Variants in RAD51B observed in about 807,000 individuals in gnomAD.
The protein encoded by RAD51B is RAD51 paralog B.
A neutral mutation model predicts 42.2 loss-of-function variants in RAD51B; 38 were observed. The ratio of observed to expected loss-of-function variants is 0.90; its 90% CI spans 0.70 to 1.18. The LOEUF is 1.18. RAD51B is among the 50% of genes most tolerant of loss of function. RAD51B has a pLI of 0.00. For synonymous variants in RAD51B, 154 were observed against 145.2 expected (o/e 1.06, Z -0.43); for missense variants, 373 against 400.7 (o/e 0.93, Z 0.59).
rs547715811 is a variant in RAD51B at position 68,278,559 on chromosome 14, A to G, written c.757-13325A>G. ...TCAGTTTTCACCCTGATCAAATTGC[A>G]TTTGTTAAAAATTCCAAGTAAGACA... On this transcript the variant is annotated intron_variant, in intron 7 of 10. Coordinates refer to ENST00000471583, the MANE Select transcript of RAD51B (RefSeq NM_133510.4). Among the ~76,000 whole-genome samples, 4 of 152,348 alleles carry G rather than the reference A, an allele frequency of 2.6e-5. No homozygotes were observed. The South Asian group carries it at 8.3e-4, about 32-fold the overall frequency.
At chr14:68,571,422 T>G (rs1245042501) in intron 10 of RAD51B, among the ~76,000 whole-genome samples, 1 of 152,226 alleles carries the variant, frequency 6.6e-6, no homozygotes, top group Non-Finnish European at 1.5e-5. Flanking sequence ...AGTGTTGTCT[T>G]GTTTTTTCCA....
At chr14:68,054,133 G>C (rs2140425609) in intron 7 of RAD51B, among the ~76,000 whole-genome samples, 1 of 152,156 alleles carries the variant, frequency 6.6e-6, no homozygotes, top group East Asian at 1.9e-4. Flanking sequence ...AATTAACATT[G>C]ATACAATACT....
chr14:68,227,615 G>A (rs1317859178), intron 7 of RAD51B, among the ~76,000 whole-genome samples: 11 of 152,034 alleles, frequency 7.2e-5, no homozygotes, highest in Admixed American at 7.2e-4. Flanking sequence ...CTCAGCAATG[G>A]TCCCTTCAGC....
intron 10 of RAD51B, among the ~76,000 whole-genome samples, chr14:68,472,373 GA>G (rs779582667): frequency 1.8e-4 from 27 of 152,322 alleles, no homozygotes; most frequent in Non-Finnish European, 3.5e-4. Flanking sequence ...AGGCCTAGAG[GA>G]AAACCCAGGT....
chr14:68,229,440 C>T (rs1037258877), intron 7 of RAD51B, among the ~76,000 whole-genome samples: 3 of 152,164 alleles, frequency 2.0e-5, no homozygotes, highest in Non-Finnish European at 4.4e-5. Context: ...TGCTAAGAAG[C>T]AGTGCAAGTA....
intron 7 of RAD51B, among the ~76,000 whole-genome samples, chr14:68,252,013 G>A (rs1423073439): frequency 1.3e-5 from 2 of 152,128 alleles, no homozygotes; most frequent in East Asian, 3.9e-4. Flanking sequence ...AGATTTAAGA[G>A]GAATGTCTTT....
chr14:68,214,842 T>C (rs796308841), intron 7 of RAD51B, among the ~76,000 whole-genome samples: 5 of 152,348 alleles, frequency 3.3e-5, no homozygotes, highest in African/African-American at 1.2e-4. Flanking sequence ...TGTGCTGTAG[T>C]AAAAAATTCT....
intron 8 of RAD51B, among the ~76,000 whole-genome samples, chr14:68,310,327 G>A (rs766412620): frequency 2.6e-5 from 4 of 152,164 alleles, no homozygotes; most frequent in Non-Finnish European, 2.9e-5. Flanking sequence ...TTTCCCCTTA[G>A]GCATCCAAAC....
At chr14:68,326,214 A>G (rs1401988719) in intron 8 of RAD51B, among the ~76,000 whole-genome samples, 3 of 151,112 alleles carry the variant, frequency 2.0e-5, no homozygotes, top group African/African-American at 7.3e-5. Flanking sequence ...CTAATGTTGT[A>G]TTTTTAATAG....
At chr14:67,925,535 T>C (rs1161456333) in intron 7 of RAD51B, among the ~76,000 whole-genome samples, 1 of 152,152 alleles carries the variant, frequency 6.6e-6, no homozygotes, top group Non-Finnish European at 1.5e-5. Context: ...CCTCCCAAAG[T>C]GCTGGGATTA....
At chr14:68,187,222 T>A (rs2079176072) in intron 7 of RAD51B, among the ~76,000 whole-genome samples, 1 of 152,022 alleles carries the variant, frequency 6.6e-6, no homozygotes, top group African/African-American at 2.4e-5. Flanking sequence ...AGGGAGGAAT[T>A]GGGGAGAAGG....
At chr14:67,993,843 A>G (rs548935563) in intron 7 of RAD51B, among the ~76,000 whole-genome samples, 2 of 152,260 alleles carry the variant, frequency 1.3e-5, no homozygotes, top group South Asian at 2.1e-4. Flanking sequence ...AACAATTATT[A>G]CTTTGTTTTT....
At chr14:68,306,450 A>T (rs1280305336) in intron 8 of RAD51B, among the ~76,000 whole-genome samples, 2 of 152,178 alleles carry the variant, frequency 1.3e-5, no homozygotes, top group Non-Finnish European at 2.9e-5. Context: ...TTTTTTCTCC[A>T]TGAGAATGTG....
In RAD51B at chr14:67,921,977, T is replaced by C. The variant is rs533278150; in HGVS notation, c.756+34773T>C. Among the ~76,000 whole-genome samples the C allele has an allele frequency of 2.0e-5, 3 of 152,328 alleles. No individual in the cohort carries two copies. The South Asian group carries it at 6.2e-4, about 32-fold the overall frequency. On this transcript the variant is annotated intron_variant, in intron 7 of 10. Coordinates refer to ENST00000471583, the MANE Select transcript of RAD51B (RefSeq NM_133510.4). Reference sequence around the variant, plus strand: ...GTGCTCTGACTACCAGGATAGGCTTTGCTTTCAGAAATCTCCAGATAATTA... The same window carrying C: ...GTGCTCTGACTACCAGGATAGGCTTCGCTTTCAGAAATCTCCAGATAATTA...
chr14:67,918,739 C>A (rs570486730), intron 7 of RAD51B, among the ~76,000 whole-genome samples: 3 of 152,118 alleles, frequency 2.0e-5, no homozygotes, highest in African/African-American at 7.2e-5. Flanking sequence ...AAAACTAACA[C>A]TGGAAGCTAG....
intron 8 of RAD51B, among the ~76,000 whole-genome samples, chr14:68,376,877 T>C (rs2083380819): frequency 6.6e-6 from 1 of 152,186 alleles, no homozygotes; most frequent in South Asian, 2.1e-4. Context: ...ATTGGCTAAT[T>C]AGACATAACT....
intron 7 of RAD51B, among the ~76,000 whole-genome samples, chr14:67,927,590 T>C (rs2044563039): frequency 6.6e-6 from 1 of 152,088 alleles, no homozygotes; most frequent in African/African-American, 2.4e-5. Flanking sequence ...CGTGTGGTAT[T>C]TGTCTTTCTG....
At chr14:68,024,500 ATC>A (rs2075920375) in intron 7 of RAD51B, among the ~76,000 whole-genome samples, 1 of 151,976 alleles carries the variant, frequency 6.6e-6, no homozygotes, top group African/African-American at 2.4e-5. Flanking sequence ...TATTTGTGTC[ATC>A]TCTGATTTTT....
intron 8 of RAD51B, among the ~76,000 whole-genome samples, chr14:68,323,008 A>C (rs1171355380): frequency 1.3e-5 from 2 of 152,234 alleles, no homozygotes; most frequent in Non-Finnish European, 2.9e-5. Flanking sequence ...AGAATTTCAA[A>C]AGGCGAAGCA....
Sources: gnomAD v4.1 joint callset for allele counts (sites outside exome capture counted in the v4.1 genomes callset) on GRCh38, gnomAD v4.1.1 for gene constraint, MANE v1.5 for transcripts, NCBI Gene and HGNC (gene_info 2026-07-23, HGNC 2026-07-21) for gene names.